The following PKHD1 variants were observed in gnomAD, a reference collection of about 807,000 sequenced individuals.
PKHD1 encodes the protein fibrocystin.
PKHD1 carries 291 observed loss-of-function variants against 412.0 expected under a neutral mutation model. The ratio of observed to expected loss-of-function variants is 0.71; its 90% CI spans 0.64 to 0.78. The LOEUF (loss-of-function observed/expected upper bound fraction) is 0.78, where lower values mean the gene tolerates loss of function less well. Among genes scored for constraint, PKHD1 ranks in the 30% least tolerant of loss-of-function variants. The pLI is 0.00. For missense variants in PKHD1, 4,825 were observed against 4,950.7 expected, an observed-to-expected ratio of 0.97 and a Z score of 0.76; for synonymous variants, 1,777 against 1,821.5, an observed-to-expected ratio of 0.98 and a Z score of 0.62.
In PKHD1 at chr6:51,616,527, ATT is replaced by A. The variant is rs113144792; in HGVS notation, c.*2552_*2553del. 0.011 allele frequency: 3,883 copies of A among 352,432 alleles called. No individual in the cohort carries two copies. Among genetic ancestry groups the A allele is most frequent in the Middle Eastern group, 0.015 (20 of 1,374 alleles). 21.8% of individuals were successfully genotyped at this position (352,432 alleles called of 1,614,324 possible). ...CTTTTGGTGTTTCCCTAATTCTCTC[ATT>A]TTTTTTTTTTTTTAGGAGAAAGAGG... On this transcript the variant is annotated 3_prime_UTR_variant, in exon 67 of 67. Transcript: ENST00000371117.
At chr6:52,009,103 G>T (rs1799471263) in intron 35 of PKHD1, among the ~76,000 whole-genome samples, 1 of 152,134 alleles carries the variant, frequency 6.6e-6, no homozygotes, top group African/African-American at 2.4e-5. Flanking sequence ...GTGCCACTGG[G>T]GGTCAGCGGC....
chr6:51,721,537 C>G (rs896743195), intron 60 of PKHD1: 1 of 988,028 alleles, frequency 1.0e-6, no homozygotes, highest in African/African-American at 1.7e-5. Context: ...ATCTCCAAAG[C>G]TCTAATTCCA....
intron 35 of PKHD1, among the ~76,000 whole-genome samples, chr6:51,985,658 G>C (rs967566460): frequency 2.0e-5 from 3 of 152,134 alleles, no homozygotes; most frequent in Non-Finnish European, 2.9e-5. Flanking sequence ...GAACCCAGGA[G>C]GTGGAGGTTG....
chr6:51,965,900 A>G (rs140516572), intron 35 of PKHD1, among the ~76,000 whole-genome samples: 14 of 152,214 alleles, frequency 9.2e-5, no homozygotes, highest in Admixed American at 2.6e-4. Flanking sequence ...GTCTTCTTTT[A>G]TCGTTTCCTC....
At chr6:51,703,688 T>C (rs1041829993) in intron 60 of PKHD1, among the ~76,000 whole-genome samples, 1 of 152,010 alleles carries the variant, frequency 6.6e-6, no homozygotes, top group Admixed American at 6.6e-5. Context: ...GTCTCCTCTC[T>C]CCCAAGGAGG....
Position 51,830,882 on chromosome 6 carries a change from C to T in PKHD1, c.8281G>A (p.Asp2761Asn), listed in dbSNP as rs1554263080. 2.5e-6 allele frequency: 4 copies of T among 1,612,764 alleles called. No homozygotes were observed. Among genetic ancestry groups the T allele is most frequent in the Non-Finnish European group, 3.4e-6 (4 of 1,179,014 alleles). The change falls in exon 52 of 67, where the codon GAT becomes AAT. Residue 2761 changes from aspartate to asparagine, a missense_variant. Asp to Asn is a conservative substitution (Grantham distance 23, BLOSUM62 1). Coordinates refer to ENST00000371117, the MANE Select transcript of PKHD1 (RefSeq NM_138694.4). Reference protein sequence around the residue: ...GYNNTIPGPGDDVLILPNRTV... With the variant: ...GYNNTIPGPGNDVLILPNRTV... The stretch of plus-strand genomic sequence containing the variant: ...TCACTGGGTAAAATGAGAACGTCAT[C>T]CCCAGGGCCTGGAATGGTATTGTTG...
rs757717736 is a variant in PKHD1, at chr6:51,909,459, C to T, written c.6506G>A (p.Cys2169Tyr). 1.1e-5 allele frequency: 17 copies of T among 1,612,918 alleles called. No homozygotes were observed. The highest frequency in any genetic ancestry group is 1.4e-5 in the Non-Finnish European group (16 of 1,179,218). The change falls in exon 40 of 67, where the codon TGT becomes TAT. Residue 2169 changes from cysteine (C) to tyrosine (Y), a missense_variant. Coordinates refer to ENST00000371117, the MANE Select transcript of PKHD1 (RefSeq NM_138694.4). ...CATCTTCTCACTCATGGAATACAAA[C>T]AGTGCTGCAGATTACCTGAAATGCA... ...ANAPEGNLQH[C>Y]LYSMSEKMLG...
At chr6:51,863,192 A>T (rs1335244751) in intron 48 of PKHD1, among the ~76,000 whole-genome samples, 1 of 152,230 alleles carries the variant, frequency 6.6e-6, no homozygotes, top group Non-Finnish European at 1.5e-5. Flanking sequence ...TTGTACCCAC[A>T]AAGGATTGTT....
intron 35 of PKHD1, among the ~76,000 whole-genome samples, chr6:51,999,052 C>T (rs905450056): frequency 6.6e-6 from 1 of 152,158 alleles, no homozygotes; most frequent in Non-Finnish European, 1.5e-5. Flanking sequence ...AAAATAAGCT[C>T]TTAGAGGAGT....
chr6:51,982,849 AAAAATAAAAAT>A (rs1795689260), intron 35 of PKHD1, among the ~76,000 whole-genome samples: 2 of 134,706 alleles, frequency 1.5e-5, no homozygotes, highest in African/African-American at 2.6e-5. Flanking sequence ...AAAAAAATAA[AAAAATAAAAAT>A]AAAATAAAAT....
At chr6:51,974,868 AATAAT>A (rs1172317213) in intron 35 of PKHD1, among the ~76,000 whole-genome samples, 4 of 152,200 alleles carry the variant, frequency 2.6e-5, no homozygotes, top group Non-Finnish European at 5.9e-5. Flanking sequence ...AAAAAATAAA[AATAAT>A]AGAAAGAAAA....
chr6:51,764,768 A>C (rs1788693422), intron 55 of PKHD1, among the ~76,000 whole-genome samples: 1 of 151,648 alleles, frequency 6.6e-6, no homozygotes. Flanking sequence ...ATCAGCCCCT[A>C]CTCTCCACAT....
At chr6:51,988,245 G>C (rs1387365373) in intron 35 of PKHD1, among the ~76,000 whole-genome samples, 1 of 152,062 alleles carries the variant, frequency 6.6e-6, no homozygotes, top group African/African-American at 2.4e-5. Flanking sequence ...ATATTAATAA[G>C]CTATACACTT....
At chr6:52,022,677 T>C in intron 33 of PKHD1, 124 bp downstream of exon 33, 1 of 951,994 alleles carries the variant, frequency 1.1e-6, no homozygotes, top group Non-Finnish European at 1.6e-6. Context: ...GAGAAATTCT[T>C]TTCCTAGGCA....
Position 52,056,698 on chromosome 6 carries a change from C to G in PKHD1, c.1693G>C (p.Gly565Arg). The G allele has an allele frequency of 6.2e-7, 1 of 1,609,650 alleles. No homozygotes were observed. The highest frequency in any genetic ancestry group is 2.2e-5 in the East Asian group (1 of 44,868). ...ATCAGAATGAAGCCACGGACAGCACCTCGTTCAAATCCAAGCCGGAGAAGG... is the reference window on the plus strand; with the variant it reads ...ATCAGAATGAAGCCACGGACAGCACGTCGTTCAAATCCAAGCCGGAGAAGG... ...NILLRLGFER[G>R]PEVSNSDGDL... is the part of the protein sequence containing the mutation. The change falls in exon 18 of 67, where the codon GGC becomes CGC. Residue 565 changes from glycine (G) to arginine (R), a missense_variant and splice_region_variant. By Grantham distance (125) the Gly-to-Arg change is moderately radical. Transcript: ENST00000371117.
intron 49 of PKHD1, among the ~76,000 whole-genome samples, chr6:51,855,342 C>G (rs1314878874): frequency 6.6e-6 from 1 of 152,194 alleles, no homozygotes. Flanking sequence ...AGCCTCCGAA[C>G]GTCTCTGTTT....
At position 52,025,781 on chromosome 6, in the gene PKHD1, G is replaced by C. The variant is rs1164121040; in HGVS notation, c.4029C>G (p.Phe1343Leu). 1.2e-6 allele frequency: 2 copies of C among 1,614,216 alleles called. No homozygotes were observed. The highest frequency in any genetic ancestry group is 1.7e-6 in the Non-Finnish European group (2 of 1,180,036). Residue 1343 changes from phenylalanine to leucine, a missense_variant, in exon 32 of 67, where the codon TTC (phenylalanine) becomes TTG (leucine). Transcript: ENST00000371117. ...NLNCDVETQS[F>L]QGNVSLSGCS... Reference sequence around the variant, plus strand: ...ATCCAGACAGGCTCACGTTGCCCTGGAAGGACTGTGTCTCAACATCACAGT... The same window carrying C: ...ATCCAGACAGGCTCACGTTGCCCTGCAAGGACTGTGTCTCAACATCACAGT...
At chr6:51,657,397 G>A (rs955482749) in intron 61 of PKHD1, among the ~76,000 whole-genome samples, 3 of 151,940 alleles carry the variant, frequency 2.0e-5, no homozygotes, top group Non-Finnish European at 2.9e-5. Flanking sequence ...TTTCTTATTC[G>A]GGAGAAATTT....
Position 51,885,941 on chromosome 6 carries a change from G to T in PKHD1, c.7141C>A (p.Pro2381Thr). ...YGLFVYPKFQPPWDNVTGTTL... is the reference protein window; with the variant it reads ...YGLFVYPKFQTPWDNVTGTTL... ...GTGCCAGTGACATTATCCCAAGGTG[G>T]CTGAAATTTAGGGTATACAAAGAGA... Residue 2381 changes from proline (P) to threonine (T), a missense_variant, in exon 45 of 67, where the codon CCA becomes ACA. Coordinates refer to ENST00000371117, the MANE Select transcript of PKHD1 (RefSeq NM_138694.4). 6.2e-7 allele frequency: 1 copy of T among 1,612,336 alleles called. No homozygotes were observed. Among genetic ancestry groups the T allele is most frequent in the Non-Finnish European group, 8.5e-7 (1 of 1,178,480 alleles).
Sources: allele counts gnomAD v4.1 joint callset (sites outside exome capture counted in the v4.1 genomes callset), GRCh38; gene constraint gnomAD v4.1.1; transcripts MANE v1.5; gene names NCBI Gene and HGNC (gene_info 2026-07-23, HGNC 2026-07-21).